SRRM4: variants seen among roughly 807,000 people sequenced by gnomAD.
The protein encoded by SRRM4 is serine/arginine repetitive matrix 4.
Under a neutral mutation model 68.9 loss-of-function variants are expected in SRRM4, and 33 were observed. That is an observed-to-expected ratio of 0.48 (90% CI 0.36 to 0.64). The LOEUF is 0.64. SRRM4 is among the 30% of genes least tolerant of loss of function. The pLI, the probability that SRRM4 is intolerant of heterozygous loss-of-function variation, is 0.00. For missense variants in SRRM4, 817 were observed against 827.1 expected (o/e 0.99, Z 0.15); for synonymous variants, 318 against 318.8 (o/e 1.00, Z 0.03).
intron 1 of SRRM4, among the ~76,000 whole-genome samples, chr12:118,989,417 TCATG>T (rs1356125965): frequency 6.6e-6 from 1 of 152,154 alleles, no homozygotes; most frequent in Non-Finnish European, 1.5e-5. Flanking sequence ...TCTCTCATAT[TCATG>T]CATGCAAACC....
chr12:119,072,944 C>T (rs1358600481), intron 1 of SRRM4, among the ~76,000 whole-genome samples: 2 of 152,142 alleles, frequency 1.3e-5, no homozygotes, highest in Admixed American at 6.5e-5. Flanking sequence ...GAATTTAGAT[C>T]AGGTGAATTC....
At chr12:119,121,497 G>A (rs1364248150) in intron 5 of SRRM4, among the ~76,000 whole-genome samples, 4 of 152,170 alleles carry the variant, frequency 2.6e-5, no homozygotes, top group South Asian at 4.1e-4. Context: ...TCTACCAAGC[G>A]TCATGAGAGT....
At chr12:119,041,557 C>T (rs1220338680) in intron 1 of SRRM4, among the ~76,000 whole-genome samples, 1 of 152,194 alleles carries the variant, frequency 6.6e-6, no homozygotes, top group East Asian at 1.9e-4. Flanking sequence ...ATATGGATCC[C>T]ATGGACATTT....
chr12:119,000,705 G>A (rs1953378338), intron 1 of SRRM4: 1 of 152,198 alleles, frequency 6.6e-6, no homozygotes, highest in Non-Finnish European at 1.5e-5. Flanking sequence ...CTGTCCTTGG[G>A]CTATAATTAT....
intron 9 of SRRM4, among the ~76,000 whole-genome samples, chr12:119,148,496 G>A (rs993381694): frequency 8.5e-5 from 13 of 152,268 alleles, no homozygotes; most frequent in Middle Eastern, 3.4e-3. Flanking sequence ...CAATAATAAC[G>A]GCAGTTCATA....
At chr12:119,033,212 T>G (rs1373034898) in intron 1 of SRRM4, among the ~76,000 whole-genome samples, 1 of 152,246 alleles carries the variant, frequency 6.6e-6, no homozygotes, top group Non-Finnish European at 1.5e-5. Context: ...AATGTATGCT[T>G]CCTTACAGAT....
intron 1 of SRRM4, among the ~76,000 whole-genome samples, chr12:119,058,706 T>C (rs538530482): frequency 6.6e-6 from 1 of 152,318 alleles, no homozygotes; most frequent in South Asian, 2.1e-4. Flanking sequence ...TGATGCTTCC[T>C]AGAGTGGAGA....
chr12:119,100,788 T>C (rs1954073534), intron 1 of SRRM4, among the ~76,000 whole-genome samples: 1 of 152,138 alleles, frequency 6.6e-6, no homozygotes, highest in Admixed American at 6.5e-5. Flanking sequence ...CAGAGATAAA[T>C]GGGCAGAAGT....
At chr12:119,003,996 GTTAT>G (rs771131384) in intron 1 of SRRM4, among the ~76,000 whole-genome samples, 5 of 152,050 alleles carry the variant, frequency 3.3e-5, no homozygotes, top group Middle Eastern at 3.2e-3. Flanking sequence ...TAATTGATCA[GTTAT>G]TTAATTAATA....
chr12:119,012,664 A>G (rs1953457672), intron 1 of SRRM4, among the ~76,000 whole-genome samples: 7 of 152,176 alleles, frequency 4.6e-5, no homozygotes, highest in Admixed American at 3.9e-4. Flanking sequence ...TCTCTGAGCC[A>G]AATTCTTCCT....
At position 119,162,088 on chromosome 12, in the gene SRRM4, A is replaced by T. The variant is rs1954517965; in HGVS notation, c.*5290A>T. ...TAAAATGGGGCTTGTCCTATATATT[A>T]TCTGCAAGACGTGGGAAATGGGGGC... On this transcript the variant is annotated 3_prime_UTR_variant, in exon 13 of 13. Coordinates refer to ENST00000267260, the MANE Select transcript of SRRM4 (RefSeq NM_194286.4). The T allele has an allele frequency of 6.6e-6, 1 of 152,124 alleles. No individual in the cohort carries two copies. The highest frequency in any genetic ancestry group is 2.4e-5 in the African/African-American group (1 of 41,428). The allele number at this position is 152,124 out of a possible 1,614,324, so 9.4% of individuals were successfully genotyped here.
intron 1 of SRRM4, among the ~76,000 whole-genome samples, chr12:119,029,675 TAG>T (rs1481419811): frequency 6.6e-6 from 1 of 152,188 alleles, no homozygotes; most frequent in Non-Finnish European, 1.5e-5. Context: ...AAAGAAAATG[TAG>T]AGAGTCACCA....
chr12:119,055,899 A>G (rs1305067168), intron 1 of SRRM4, among the ~76,000 whole-genome samples: 2 of 152,258 alleles, frequency 1.3e-5, no homozygotes. Context: ...GAGCAGGTGT[A>G]GGTGCCTGCC....
At chr12:119,059,853 G>T (rs973037290) in intron 1 of SRRM4, among the ~76,000 whole-genome samples, 7 of 152,194 alleles carry the variant, frequency 4.6e-5, no homozygotes, top group African/African-American at 1.7e-4. Context: ...AAGCAAACCA[G>T]ATTTCAAGAC....
At chr12:118,993,270 G>A (rs6490220) in intron 1 of SRRM4, among the ~76,000 whole-genome samples, 43,149 of 152,044 alleles carry the variant, frequency 0.28, 6,355 homozygotes, top group Non-Finnish European at 0.32. Context: ...TGGTGTGACC[G>A]TCTTTAATCA....
intron 1 of SRRM4, among the ~76,000 whole-genome samples, chr12:119,083,050 C>A (rs575722349): frequency 6.6e-6 from 1 of 152,032 alleles, no homozygotes; most frequent in Non-Finnish European, 1.5e-5. Context: ...CAATTCAGGA[C>A]CCCCCTTGTG....
Position 119,120,286 on chromosome 12 carries a change from T to C in SRRM4, c.464+10T>C, listed in dbSNP as rs1592905857. 4.5e-6 allele frequency: 7 copies of C among 1,550,986 alleles called. No individual in the cohort carries two copies. In the East Asian group the frequency reaches 1.7e-4, roughly 38 times the overall value. On this transcript the variant is annotated intron_variant, in intron 5 of 12. Transcript: ENST00000267260. The stretch of plus-strand genomic sequence containing the variant: ...AGAAGAGAAGGCACAGGTAAGACTC[T>C]TGTTCTCTGACTGCCTGTTCAATTT...
rs1007116278 is a variant in SRRM4, at chr12:118,981,726, G to A, written c.-157G>A. The A allele has an allele frequency of 1.2e-5, 9 of 765,494 alleles. No individual in the cohort carries two copies. Among genetic ancestry groups the A allele is most frequent in the Admixed American group, 6.3e-5 (2 of 31,512 alleles). The allele number at this position is 765,494 out of a possible 1,614,324, so 47.4% of individuals were successfully genotyped here. On this transcript the variant is annotated 5_prime_UTR_variant, in exon 1 of 13. Coordinates refer to ENST00000267260, the MANE Select transcript of SRRM4 (RefSeq NM_194286.4). Reference sequence around the variant, plus strand: ...TTCTCTGCTGCCTGCCCGGGCTGGGGCGTCCCATCCCCCGCCCTGAACTCC... The same window carrying A: ...TTCTCTGCTGCCTGCCCGGGCTGGGACGTCCCATCCCCCGCCCTGAACTCC...
At chr12:118,996,880 T>G (rs1236086636) in intron 1 of SRRM4, among the ~76,000 whole-genome samples, 2 of 152,218 alleles carry the variant, frequency 1.3e-5, no homozygotes, top group Non-Finnish European at 2.9e-5. Context: ...GCTTCTCAGT[T>G]TCTAGGTGAT....
Sources: allele counts gnomAD v4.1 joint callset (sites outside exome capture counted in the v4.1 genomes callset), GRCh38; gene constraint gnomAD v4.1.1; transcripts MANE v1.5; gene names NCBI Gene and HGNC (gene_info 2026-07-23, HGNC 2026-07-21).